Variants in XRCC5 observed in about 807,000 individuals in gnomAD.
The protein encoded by XRCC5 is X-ray repair cross complementing 5.
Under a neutral mutation model 95.7 loss-of-function variants are expected in XRCC5, and 12 were observed. The ratio of observed to expected loss-of-function variants is 0.13; its 90% CI spans 0.08 to 0.20. The LOEUF (loss-of-function observed/expected upper bound fraction) is 0.20. Ranked by LOEUF, XRCC5 falls within the 10% of genes least tolerant of loss-of-function variation. The pLI is 1.00. For missense variants in XRCC5, 595 were observed against 873.9 expected (o/e 0.68, Z 4.02); for synonymous variants, 281 against 290.3 (o/e 0.97, Z 0.33).
At chr2:216,131,072 G>T (rs925994301) in intron 9 of XRCC5, 85 bp downstream of exon 9, 2 of 1,426,338 alleles carry the variant, frequency 1.4e-6, no homozygotes, top group Non-Finnish European at 9.5e-7. Flanking sequence ...TATTTATAAG[G>T]TATATTTATT....
chr2:216,110,739 T>A (rs185175574), intron 1 of XRCC5, among the ~76,000 whole-genome samples: 2 of 152,348 alleles, frequency 1.3e-5, no homozygotes, highest in Admixed American at 6.5e-5. Flanking sequence ...TAGAGTTTTC[T>A]GGTTTAAAAG....
chr2:216,173,634 A>T (rs555970327), intron 16 of XRCC5, among the ~76,000 whole-genome samples: 1 of 152,232 alleles, frequency 6.6e-6, no homozygotes, highest in Admixed American at 6.5e-5. Flanking sequence ...CCCAAAGTTT[A>T]TGTGTTGGAA....
intron 2 of XRCC5, among the ~76,000 whole-genome samples, chr2:216,113,720 C>T (rs760133804): frequency 9.9e-5 from 15 of 152,250 alleles, no homozygotes; most frequent in South Asian, 4.1e-4. Flanking sequence ...GGCTGGAAGA[C>T]GATGCTTTCT....
chr2:216,163,184 G>A (rs576731911), intron 16 of XRCC5, among the ~76,000 whole-genome samples: 2 of 152,080 alleles, frequency 1.3e-5, no homozygotes, highest in East Asian at 3.9e-4. Context: ...ACCCAGGCTG[G>A]AGTGCAGTGG....
intron 16 of XRCC5, among the ~76,000 whole-genome samples, chr2:216,162,894 C>A: frequency 6.6e-6 from 1 of 152,170 alleles, no homozygotes; most frequent in Non-Finnish European, 1.5e-5. Context: ...TTCAGGGATG[C>A]ACAGAGGGCC....
chr2:216,125,849 A>G, intron 6 of XRCC5, 68 bp from the exon 7 acceptor site: 1 of 1,264,528 alleles, frequency 7.9e-7, no homozygotes, highest in Non-Finnish European at 1.1e-6. Flanking sequence ...TAGAAAATCA[A>G]ATGCATCATC....
intron 12 of XRCC5, among the ~76,000 whole-genome samples, chr2:216,140,389 T>TA (rs1304093794): frequency 2.6e-5 from 4 of 152,234 alleles, no homozygotes; most frequent in Admixed American, 2.6e-4. Flanking sequence ...TATGAATCAG[T>TA]AAAATGAAAG....
chr2:216,156,753 TC>T, intron 14 of XRCC5: 1 of 533,270 alleles, frequency 1.9e-6, no homozygotes. Flanking sequence ...TTGCCGCTGC[TC>T]CATTGGAACA....
chr2:216,180,587 A>G (rs1689367325), intron 16 of XRCC5, among the ~76,000 whole-genome samples: 2 of 152,140 alleles, frequency 1.3e-5, no homozygotes, highest in East Asian at 2.0e-4. Context: ...TGATCATGCC[A>G]GTGCACTCCA....
At chr2:216,116,529 C>T (rs980131784) in intron 2 of XRCC5, 130 bp from the exon 3 acceptor site, 50 of 944,044 alleles carry the variant, frequency 5.3e-5, no homozygotes, top group South Asian at 4.8e-4. Flanking sequence ...TGTTTCATCC[C>T]GCCCAATACT....
chr2:216,151,415 A>G (rs1333875809), intron 14 of XRCC5, among the ~76,000 whole-genome samples: 1 of 152,178 alleles, frequency 6.6e-6, no homozygotes, highest in Non-Finnish European at 1.5e-5. Flanking sequence ...CAGGTGGTCT[A>G]AAGCTTTCTG....
chr2:216,168,273 G>A (rs1036249206), intron 16 of XRCC5, among the ~76,000 whole-genome samples: 6 of 152,210 alleles, frequency 3.9e-5, no homozygotes, highest in Admixed American at 3.9e-4. Flanking sequence ...ATTCCAGAGA[G>A]CCAATTCTTG....
chr2:216,146,500 T>G (rs1688636695), intron 13 of XRCC5, among the ~76,000 whole-genome samples: 1 of 148,750 alleles, frequency 6.7e-6, no homozygotes, highest in Non-Finnish European at 1.5e-5. Flanking sequence ...TTGTTTGTTT[T>G]TTTTAGAATT....
chr2:216,196,553 G>A (rs553851631), intron 19 of XRCC5, among the ~76,000 whole-genome samples: 1 of 152,052 alleles, frequency 6.6e-6, no homozygotes, highest in Non-Finnish European at 1.5e-5. Flanking sequence ...TATATATAGA[G>A]AGAGAGATTT....
intron 14 of XRCC5, among the ~76,000 whole-genome samples, chr2:216,157,769 A>C (rs1034611084): frequency 3.9e-5 from 6 of 152,216 alleles, no homozygotes; most frequent in African/African-American, 1.4e-4. Flanking sequence ...ATAAGAAAGG[A>C]GAAAGAACAA....
At chr2:216,134,602 A>G (rs1366462139) in intron 10 of XRCC5, among the ~76,000 whole-genome samples, 1 of 149,760 alleles carries the variant, frequency 6.7e-6, no homozygotes, top group African/African-American at 2.5e-5. Context: ...TAATTTTTGT[A>G]TTTTTTGTAG....
At chr2:216,138,821 GAAC>G in intron 12 of XRCC5, among the ~76,000 whole-genome samples, 1 of 151,866 alleles carries the variant, frequency 6.6e-6, no homozygotes, top group Admixed American at 6.6e-5. Flanking sequence ...ATACCAAAAA[GAAC>G]AACAAATGAT....
rs938848411 is a variant in XRCC5 at position 216,161,964 on chromosome 2, G to T, written c.1765-15G>T. On this transcript the variant is annotated splice_polypyrimidine_tract_variant and intron_variant, in intron 15 of 20. Coordinates refer to ENST00000392132, the MANE Select transcript of XRCC5 (RefSeq NM_021141.4). ...GAAATAACCTGTAGGTTTATCATCT[G>T]TTGGTATATTTTAGGTTGGAAGTGT... The T allele has an allele frequency of 1.2e-6, 2 of 1,612,756 alleles. No individual in the cohort carries two copies. Among genetic ancestry groups the T allele is most frequent in the Non-Finnish European group, 1.7e-6 (2 of 1,178,884 alleles).
At chr2:216,180,846 G>A (rs1489549353) in intron 16 of XRCC5, among the ~76,000 whole-genome samples, 1 of 145,876 alleles carries the variant, frequency 6.9e-6, no homozygotes, top group African/African-American at 2.6e-5. Flanking sequence ...GAGTTTCGCT[G>A]TCGTTGCCCG....
Sources: gnomAD v4.1 joint callset for allele counts (sites outside exome capture counted in the v4.1 genomes callset) on GRCh38, gnomAD v4.1.1 for gene constraint, MANE v1.5 for transcripts, NCBI Gene and HGNC (gene_info 2026-07-23, HGNC 2026-07-21) for gene names.